GRIA3: variants seen among roughly 807,000 people sequenced by gnomAD.
GRIA3 encodes glutamate receptor 3.
In GRIA3, 3 loss-of-function variants were observed where a neutral mutation model predicts 63.0. The ratio of observed to expected loss-of-function variants is 0.05; its 90% CI spans 0.02 to 0.12. GRIA3 has a LOEUF of 0.12. Ranked by LOEUF, GRIA3 falls within the 10% of genes least tolerant of loss-of-function variation. The pLI, the probability that GRIA3 is intolerant of heterozygous loss-of-function variation, is 1.00. For synonymous variants in GRIA3, 274 were observed against 257.9 expected, an observed-to-expected ratio of 1.06 and a Z score of -0.60; for missense variants, 347 against 700.9, an observed-to-expected ratio of 0.50 and a Z score of 5.70.
chrX:123,360,833 CCTCTCT>C (rs1157595220), intron 5 of GRIA3, among the ~76,000 whole-genome samples: 5 of 67,709 alleles, frequency 7.4e-5, no homozygotes, highest in African/African-American at 3.1e-4. Flanking sequence ...TTCCTTCCCT[CCTCTCT>C]CTCTCTCTCT....
intron 2 of GRIA3, among the ~76,000 whole-genome samples, chrX:123,219,419 G>GA (rs1928238324): frequency 8.9e-6 from 1 of 112,044 alleles, no homozygotes; most frequent in Non-Finnish European, 1.9e-5. Context: ...TCAAGAAGTA[G>GA]ACCTCACTTT....
intron 14 of GRIA3, among the ~76,000 whole-genome samples, chrX:123,480,559 T>C (rs1197187354): frequency 8.9e-6 from 1 of 112,480 alleles, no homozygotes; most frequent in African/African-American, 3.2e-5. Flanking sequence ...CAGTACTTTC[T>C]CTTAACCTCT....
chrX:123,385,604 A>T (rs2045350198), intron 5 of GRIA3, among the ~76,000 whole-genome samples: 1 of 112,310 alleles, frequency 8.9e-6, no homozygotes, highest in African/African-American at 3.2e-5. Flanking sequence ...AATGATATAG[A>T]TTCTTCCTAA....
chrX:123,481,375 A>G (rs1023220617), intron 14 of GRIA3, among the ~76,000 whole-genome samples: 4 of 112,401 alleles, frequency 3.6e-5, no homozygotes, highest in African/African-American at 1.3e-4. Flanking sequence ...TGTTGTGAAT[A>G]TGAGGCATTC....
chrX:123,465,532 C>A, intron 13 of GRIA3: 1 of 522,957 alleles, frequency 1.9e-6, no homozygotes, highest in East Asian at 3.7e-5. Context: ...AATATTTAAC[C>A]CTGTATTTGC....
intron 1 of GRIA3, 139 bp downstream of exon 1, chrX:123,184,783 TGCGGGGCGGGGG>T (rs1444004823): frequency 5.4e-5 from 13 of 242,233 alleles, no homozygotes; most frequent in African/African-American, 3.0e-4. Flanking sequence ...GCAGAGATGG[TGCGGGGCGGGGG>T]GCGGGGCGGG....
At chrX:123,465,614 C>A in intron 13 of GRIA3, 1 of 913,510 alleles carries the variant, frequency 1.1e-6, no homozygotes, top group Non-Finnish European at 1.6e-6. Context: ...CCTTTTTATA[C>A]GTTAACGATT....
rs140368697 is a variant in GRIA3 at position 123,262,777 on chromosome X, G to A, written c.508+9235G>A. 7.2e-5 allele frequency among the ~76,000 whole-genome samples: 8 copies of A among 111,504 alleles called. No individual in the cohort carries two copies. In the East Asian group the frequency reaches 2.0e-3, roughly 28 times the overall value. ...GAGAAATTTCATGATAGGCAGGCTGGACTAGCCAGGGAAGGCTTAATGGAA... is the reference window on the plus strand; with the variant it reads ...GAGAAATTTCATGATAGGCAGGCTGAACTAGCCAGGGAAGGCTTAATGGAA... On this transcript the variant is annotated intron_variant, in intron 3 of 15. Coordinates refer to ENST00000620443, the MANE Select transcript of GRIA3 (RefSeq NM_007325.5).
chrX:123,386,745 T>C (rs1206320056), intron 5 of GRIA3, among the ~76,000 whole-genome samples: 1 of 111,803 alleles, frequency 8.9e-6, no homozygotes, highest in Non-Finnish European at 1.9e-5. Flanking sequence ...CCTTAGAAAT[T>C]TTTTTGAAAA....
intron 12 of GRIA3, among the ~76,000 whole-genome samples, chrX:123,431,388 C>G (rs1191454875): frequency 9.2e-6 from 1 of 108,617 alleles, no homozygotes; most frequent in Non-Finnish European, 1.9e-5. Flanking sequence ...ATCTTACAAT[C>G]CCATGATCAG....
intron 2 of GRIA3, among the ~76,000 whole-genome samples, chrX:123,203,319 C>A (rs754622614): frequency 6.3e-5 from 7 of 111,826 alleles, no homozygotes; most frequent in African/African-American, 2.3e-4. Context: ...AAGAAAAAAA[C>A]CCTAGTATCC....
At chrX:123,292,898 C>A (rs1272124216) in intron 3 of GRIA3, among the ~76,000 whole-genome samples, 1 of 110,869 alleles carries the variant, frequency 9.0e-6, no homozygotes, top group East Asian at 2.9e-4. Flanking sequence ...TGGCGAAAGT[C>A]CAAGTCCCTT....
At chrX:123,454,811 C>T (rs2045752881) in intron 12 of GRIA3, among the ~76,000 whole-genome samples, 1 of 112,013 alleles carries the variant, frequency 8.9e-6, no homozygotes, top group Admixed American at 9.5e-5. Flanking sequence ...TTCAAAGTCA[C>T]ATGGCCACTG....
chrX:123,454,439 T>C (rs988313980), intron 12 of GRIA3, among the ~76,000 whole-genome samples: 1 of 111,830 alleles, frequency 8.9e-6, no homozygotes, highest in Non-Finnish European at 1.9e-5. Flanking sequence ...ATGTATTCAA[T>C]TAAATGTTAG....
chrX:123,191,976 G>A (rs1249985805), intron 2 of GRIA3, among the ~76,000 whole-genome samples: 1 of 111,215 alleles, frequency 9.0e-6, no homozygotes, highest in Non-Finnish European at 1.9e-5. Flanking sequence ...AGTGTTTCTG[G>A]ATATTACTCT....
chrX:123,430,292 G>A (rs953914611), intron 12 of GRIA3, among the ~76,000 whole-genome samples: 1 of 111,635 alleles, frequency 9.0e-6, no homozygotes, highest in Non-Finnish European at 1.9e-5. Flanking sequence ...TAAGTATAAG[G>A]AAGTACAAAT....
At chrX:123,251,523 C>T (rs936445893) in intron 2 of GRIA3, among the ~76,000 whole-genome samples, 3 of 111,446 alleles carry the variant, frequency 2.7e-5, no homozygotes, top group Non-Finnish European at 5.7e-5. Context: ...GCAACCTCTG[C>T]CTCCCGGGTT....
At chrX:123,241,955 G>C (rs1489223023) in intron 2 of GRIA3, among the ~76,000 whole-genome samples, 1 of 111,458 alleles carries the variant, frequency 9.0e-6, no homozygotes, top group Admixed American at 9.5e-5. Context: ...GTTTTGAAGA[G>C]TAGTGAGTTC....
rs184425059 is a variant in GRIA3, at chrX:123,390,114, C to T, written c.751-4854C>T. Among the ~76,000 whole-genome samples the T allele has an allele frequency of 1.9e-4, 21 of 111,995 alleles. No homozygotes were observed. The East Asian group carries it at 5.9e-3, about 31-fold the overall frequency. ...TATTAATTGATTTCTGCTTATTTTG[C>T]ATATACTTTGCTTCTTTCTTCCTCT... On this transcript the variant is annotated intron_variant, in intron 5 of 15. Coordinates refer to ENST00000620443, the MANE Select transcript of GRIA3 (RefSeq NM_007325.5).
Sources: allele counts gnomAD v4.1 joint callset (sites outside exome capture counted in the v4.1 genomes callset), GRCh38; gene constraint gnomAD v4.1.1; transcripts MANE v1.5; gene names NCBI Gene and HGNC (gene_info 2026-07-23, HGNC 2026-07-21).